The following GPR160 variants were observed in gnomAD, a reference collection of about 807,000 sequenced individuals.
The protein encoded by GPR160 is G protein-coupled receptor 160, also known as probable G protein-coupled receptor 160.
Under a neutral mutation model 2.6 loss-of-function variants are expected in GPR160, and 2 were observed. The observed-to-expected ratio is 0.77, with a 90% CI of 0.32 to 2.44. The LOEUF is 2.44. GPR160 is among the 30% of genes most tolerant of loss of function. GPR160 has a pLI of 0.11. For synonymous variants in GPR160, 130 were observed against 132.2 expected (o/e 0.98, Z 0.12); for missense variants, 351 against 383.6 (o/e 0.91, Z 0.71).
Position 170,084,012 on chromosome 3 carries a change from C to T in GPR160, c.40C>T (p.Gln14Ter), listed in dbSNP as rs73030619. The change falls in exon 4 of 4, where the codon CAG (glutamine) becomes TAG (stop). Residue 14 changes from glutamine to a stop codon, truncating the protein, a stop_gained. Coordinates refer to ENST00000355897, the MANE Select transcript of GPR160 (RefSeq NM_014373.3). LOFTEE classifies it low-confidence loss of function (END_TRUNC). Reference protein sequence around the residue: ...LSSENCSFQYQLRQTNQPLDV... With the variant: ...LSSENCSFQY ...TTCAGAGAACTGCTCTTTTCAGTAC[C>T]AGTTACGTCAAACAAACCAGCCCCT... The T allele has an allele frequency of 6.5e-7, 1 of 1,548,498 alleles. No homozygotes were observed. The highest frequency in any genetic ancestry group is 2.3e-5 in the East Asian group (1 of 44,046).
intron 2 of GPR160, among the ~76,000 whole-genome samples, chr3:170,050,227 T>C (rs1046744261): frequency 1.3e-5 from 2 of 150,178 alleles, no homozygotes; most frequent in Non-Finnish European, 3.0e-5. Context: ...GCCCGCCTAA[T>C]TTACTTCTTC....
chr3:170,077,213 C>A (rs955938689), intron 2 of GPR160: 1 of 152,180 alleles, frequency 6.6e-6, no homozygotes, highest in South Asian at 2.1e-4. Flanking sequence ...ATGTTCACAG[C>A]GTTCATCTCC....
intron 2 of GPR160, among the ~76,000 whole-genome samples, chr3:170,047,251 C>T (rs1303291904): frequency 6.6e-6 from 1 of 152,090 alleles, no homozygotes; most frequent in African/African-American, 2.4e-5. Flanking sequence ...ACACCCTCAC[C>T]GCATCCCCCC....
chr3:170,062,733 A>T (rs2108328815), intron 2 of GPR160: 1 of 1,167,648 alleles, frequency 8.6e-7, no homozygotes, highest in Middle Eastern at 2.7e-4. Flanking sequence ...TCGCAAACTC[A>T]CGGATTTCTA....
chr3:170,052,196 G>GA (rs1716986912), intron 2 of GPR160, among the ~76,000 whole-genome samples: 1 of 152,218 alleles, frequency 6.6e-6, no homozygotes, highest in Non-Finnish European at 1.5e-5. Flanking sequence ...AAAGTACTGG[G>GA]ATTATAGGCG....
At chr3:170,074,255 T>G (rs769443161) in intron 2 of GPR160, among the ~76,000 whole-genome samples, 1 of 152,260 alleles carries the variant, frequency 6.6e-6, no homozygotes. Context: ...TCCAGAAATT[T>G]GTTTCATCAT....
At chr3:170,073,942 G>A (rs1712726118) in intron 2 of GPR160, among the ~76,000 whole-genome samples, 1 of 139,260 alleles carries the variant, frequency 7.2e-6, no homozygotes, top group Non-Finnish European at 1.5e-5. Flanking sequence ...AGGCTGGAGT[G>A]CAGTGGCACA....
At chr3:170,065,016 C>T (rs1712242293) in intron 2 of GPR160, among the ~76,000 whole-genome samples, 1 of 152,036 alleles carries the variant, frequency 6.6e-6, no homozygotes, top group Non-Finnish European at 1.5e-5. Flanking sequence ...AGTGGTCAGC[C>T]GAAGAGGATC....
At chr3:170,042,397 G>A in intron 2 of GPR160, among the ~76,000 whole-genome samples, 1 of 146,174 alleles carries the variant, frequency 6.8e-6, no homozygotes, top group East Asian at 2.0e-4. Flanking sequence ...CTCCAGCCTG[G>A]GTGACAGAGC....
At chr3:170,072,472 A>G (rs577871760) in intron 2 of GPR160, among the ~76,000 whole-genome samples, 3 of 152,302 alleles carry the variant, frequency 2.0e-5, no homozygotes, top group East Asian at 3.9e-4. Flanking sequence ...TTGTGTCATT[A>G]TAAAGCATAC....
In GPR160 at chr3:170,084,536, C is replaced by T. The variant is rs1713316262; in HGVS notation, c.564C>T (p.Phe188=). ...VSIQSYWLSF[F]MVMILFVAFI... ...TTCAGAGTTACTGGCTGTCATTTTT[C>T]ATGGTGATGATTTTATTTGTAGCTT... The change falls in exon 4 of 4, where the codon TTC becomes TTT. Residue 188 remains phenylalanine (F), a synonymous_variant. Coordinates refer to ENST00000355897, the MANE Select transcript of GPR160 (RefSeq NM_014373.3). 6.2e-7 allele frequency: 1 copy of T among 1,611,878 alleles called. No homozygotes were observed. Among genetic ancestry groups the T allele is most frequent in the Admixed American group, 1.7e-5 (1 of 59,976 alleles).
At chr3:170,056,578 C>G (rs902288921) in intron 2 of GPR160, among the ~76,000 whole-genome samples, 2 of 152,162 alleles carry the variant, frequency 1.3e-5, no homozygotes, top group African/African-American at 4.8e-5. Flanking sequence ...CATCATTTAA[C>G]CTTTTAGAGG....
intron 2 of GPR160, among the ~76,000 whole-genome samples, chr3:170,075,953 C>T (rs775203956): frequency 5.9e-5 from 9 of 152,222 alleles, no homozygotes; most frequent in African/African-American, 1.9e-4. Flanking sequence ...TCTACCTTTG[C>T]GCCTCTTTTG....
At chr3:170,080,518 G>A (rs148267464) in intron 3 of GPR160, among the ~76,000 whole-genome samples, 1,862 of 152,130 alleles carry the variant, frequency 0.012, 40 homozygotes, top group African/African-American at 0.043. Flanking sequence ...GAGGTTCTTG[G>A]TTCCTGCCTT....
chr3:170,055,540 T>C (rs145084028), intron 2 of GPR160, among the ~76,000 whole-genome samples: 2 of 152,376 alleles, frequency 1.3e-5, no homozygotes, highest in African/African-American at 4.8e-5. Flanking sequence ...GATCATTGTA[T>C]GCTTAGGCCG....
intron 3 of GPR160, among the ~76,000 whole-genome samples, chr3:170,081,560 T>G (rs1370405299): frequency 1.3e-5 from 2 of 152,198 alleles, no homozygotes; most frequent in Non-Finnish European, 2.9e-5. Context: ...TCATCAAAAC[T>G]GATAGCCCTC....
intron 2 of GPR160, among the ~76,000 whole-genome samples, chr3:170,051,677 A>G (rs1418837643): frequency 1.3e-5 from 2 of 152,186 alleles, no homozygotes; most frequent in African/African-American, 4.8e-5. Context: ...GTGACCCAGG[A>G]TCGTACCACT....
chr3:170,039,442 C>T (rs1716350552), intron 2 of GPR160, among the ~76,000 whole-genome samples: 1 of 152,186 alleles, frequency 6.6e-6, no homozygotes, highest in African/African-American at 2.4e-5. Context: ...AGTGCGGTGG[C>T]TCACACCTGT....
chr3:170,059,396 T>C (rs1435906407), intron 2 of GPR160, among the ~76,000 whole-genome samples: 2 of 152,194 alleles, frequency 1.3e-5, no homozygotes, highest in African/African-American at 2.4e-5. Flanking sequence ...TAGTGGAATA[T>C]AGTCAAGGGA....
Sources: allele counts gnomAD v4.1 joint callset (sites outside exome capture counted in the v4.1 genomes callset), GRCh38; gene constraint gnomAD v4.1.1; transcripts MANE v1.5; gene names NCBI Gene and HGNC (gene_info 2026-07-23, HGNC 2026-07-21).